Variants in MCHR2 observed in about 807,000 individuals in gnomAD.
MCHR2 encodes melanin concentrating hormone receptor 2, also known as melanin-concentrating hormone receptor 2.
MCHR2 carries 15 observed loss-of-function variants against 24.8 expected under a neutral mutation model. The ratio of observed to expected loss-of-function variants is 0.60; its 90% CI spans 0.40 to 0.93. The LOEUF (loss-of-function observed/expected upper bound fraction) is 0.93. Ranked by LOEUF, MCHR2 falls within the 40% of genes least tolerant of loss-of-function variation. The pLI is 0.00. For missense variants in MCHR2, 386 were observed against 408.7 expected (o/e 0.94, Z 0.48); for synonymous variants, 151 against 147.6 (o/e 1.02, Z -0.17).
intron 2 of MCHR2, among the ~76,000 whole-genome samples, chr6:99,949,808 A>G (rs1271297904): frequency 6.6e-6 from 1 of 152,030 alleles, no homozygotes; most frequent in Non-Finnish European, 1.5e-5. Flanking sequence ...CAGCCAGCTG[A>G]CTGTCCTTGG....
intron 5 of MCHR2, among the ~76,000 whole-genome samples, chr6:99,933,303 G>A (rs1271487040): frequency 6.6e-6 from 1 of 152,126 alleles, no homozygotes; most frequent in Non-Finnish European, 1.5e-5. Context: ...TGAGAAATGA[G>A]TCAGGAGCAA....
intron 1 of MCHR2, among the ~76,000 whole-genome samples, chr6:99,989,670 T>C (rs180783443): frequency 1.3e-5 from 2 of 152,228 alleles, no homozygotes; most frequent in African/African-American, 4.8e-5. Context: ...TAGACTTTGC[T>C]TAATAAGCCA....
At chr6:99,930,794 T>G (rs1394960058) in intron 5 of MCHR2, among the ~76,000 whole-genome samples, 3 of 152,188 alleles carry the variant, frequency 2.0e-5, no homozygotes, top group Non-Finnish European at 4.4e-5. Flanking sequence ...AATTTCCTCT[T>G]GTAGCTCAGA....
At chr6:99,922,036 C>T (rs1234372967) in intron 5 of MCHR2, among the ~76,000 whole-genome samples, 2 of 151,534 alleles carry the variant, frequency 1.3e-5, no homozygotes, top group African/African-American at 4.8e-5. Context: ...TTGATGGACA[C>T]TTAGGTTGAT....
chr6:99,934,391 C>A lies in MCHR2; in HGVS notation c.707+7G>T, dbSNP rs780581019. On this transcript the variant is annotated splice_region_variant and intron_variant, in intron 5 of 5. Coordinates refer to ENST00000281806, the MANE Select transcript of MCHR2 (RefSeq NM_001040179.2). Reference sequence around the variant, plus strand: ...CTTTTAACAAATAAAACAAGGCAAACACTTACCATCTGGCATCCTTATTCT... The same window carrying A: ...CTTTTAACAAATAAAACAAGGCAAAAACTTACCATCTGGCATCCTTATTCT... 1.9e-6 allele frequency: 3 copies of A among 1,566,148 alleles called. No individual in the cohort carries two copies. The highest frequency in any genetic ancestry group is 2.0e-5 in the Admixed American group (1 of 48,902).
chr6:99,950,700 G>A (rs1159525678), intron 2 of MCHR2, among the ~76,000 whole-genome samples: 1 of 152,014 alleles, frequency 6.6e-6, no homozygotes, highest in Admixed American at 6.6e-5. Flanking sequence ...AAATTTGCAG[G>A]AACAATATGT....
At chr6:99,933,575 C>G (rs1321239737) in intron 5 of MCHR2, among the ~76,000 whole-genome samples, 2 of 152,026 alleles carry the variant, frequency 1.3e-5, no homozygotes, top group Non-Finnish European at 2.9e-5. Flanking sequence ...AGACTACTTA[C>G]AAACCTTTGG....
At chr6:99,975,020 A>G (rs2114577011) in intron 1 of MCHR2, among the ~76,000 whole-genome samples, 1 of 152,334 alleles carries the variant, frequency 6.6e-6, no homozygotes, top group Admixed American at 6.5e-5. Flanking sequence ...CTCGGCGGTC[A>G]GGGACCCACT....
At chr6:99,987,982 G>C in intron 1 of MCHR2, among the ~76,000 whole-genome samples, 1 of 152,142 alleles carries the variant, frequency 6.6e-6, no homozygotes, top group Non-Finnish European at 1.5e-5. Flanking sequence ...AAAATCATTA[G>C]GGATTATTTG....
At chr6:99,948,153 G>C (rs1774908732) in intron 2 of MCHR2, among the ~76,000 whole-genome samples, 182 bp from the exon 3 acceptor site, 1 of 152,100 alleles carries the variant, frequency 6.6e-6, no homozygotes, top group South Asian at 2.1e-4. Flanking sequence ...CTATTTATTT[G>C]ATAACTTACT....
chr6:99,956,730 G>A (rs892820131), intron 1 of MCHR2, among the ~76,000 whole-genome samples: 7 of 152,042 alleles, frequency 4.6e-5, no homozygotes, highest in East Asian at 1.9e-4. Context: ...TGTAGCCAGC[G>A]GAGGCACCAT....
chr6:99,930,747 T>G (rs1344775610), intron 5 of MCHR2, among the ~76,000 whole-genome samples: 1 of 152,214 alleles, frequency 6.6e-6, no homozygotes, highest in African/African-American at 2.4e-5. Flanking sequence ...CGTCTAAATT[T>G]TTTTTCAAAG....
chr6:99,960,586 A>G (rs946548640), intron 1 of MCHR2, among the ~76,000 whole-genome samples: 8 of 152,184 alleles, frequency 5.3e-5, no homozygotes, highest in Non-Finnish European at 8.8e-5. Flanking sequence ...AAACTATACT[A>G]CAAGGCTACA....
intron 1 of MCHR2, among the ~76,000 whole-genome samples, chr6:99,961,116 C>G (rs572632596): frequency 8.6e-5 from 13 of 151,246 alleles, no homozygotes; most frequent in African/African-American, 3.2e-4. Flanking sequence ...TCCACTTAAA[C>G]AAATTTACAA....
At chr6:99,977,033 A>G (rs1469906426) in intron 1 of MCHR2, among the ~76,000 whole-genome samples, 1 of 152,188 alleles carries the variant, frequency 6.6e-6, no homozygotes, top group Admixed American at 6.5e-5. Flanking sequence ...TTTATAACAA[A>G]GTTATATTTT....
intron 5 of MCHR2, among the ~76,000 whole-genome samples, chr6:99,928,123 A>C (rs920802148): frequency 2.6e-5 from 4 of 152,140 alleles, no homozygotes; most frequent in Admixed American, 2.0e-4. Flanking sequence ...GGTTCTGTTT[A>C]TATTGCGGAT....
At chr6:99,928,237 G>C (rs1404025892) in intron 5 of MCHR2, among the ~76,000 whole-genome samples, 1 of 152,130 alleles carries the variant, frequency 6.6e-6, no homozygotes, top group African/African-American at 2.4e-5. Flanking sequence ...AATTCAGTTT[G>C]CTGGTATTTT....
chr6:99,961,763 A>G (rs961093719), intron 1 of MCHR2, among the ~76,000 whole-genome samples: 1 of 152,086 alleles, frequency 6.6e-6, no homozygotes, highest in African/African-American at 2.4e-5. Flanking sequence ...GTAAATGTCA[A>G]GTTGATGGGT....
chr6:99,987,619 T>C (rs1489573751), intron 1 of MCHR2, among the ~76,000 whole-genome samples: 1 of 152,206 alleles, frequency 6.6e-6, no homozygotes, highest in East Asian at 1.9e-4. Flanking sequence ...TACATTATGC[T>C]TCTTCTGAAA....
Sources: gnomAD v4.1 joint callset for allele counts (sites outside exome capture counted in the v4.1 genomes callset) on GRCh38, gnomAD v4.1.1 for gene constraint, MANE v1.5 for transcripts, NCBI Gene and HGNC (gene_info 2026-07-23, HGNC 2026-07-21) for gene names.